The following CLVS1 variants were observed in gnomAD, a reference collection of about 807,000 sequenced individuals.
The protein encoded by CLVS1 is clavesin-1.
In CLVS1, 10 loss-of-function variants were observed where a neutral mutation model predicts 33.1. The observed-to-expected ratio is 0.30, with a 90% CI of 0.19 to 0.51. The LOEUF is 0.51. Ranked by LOEUF, CLVS1 falls within the 20% of genes least tolerant of loss-of-function variation. The pLI, the probability that CLVS1 is intolerant of heterozygous loss-of-function variation, is 0.97. For synonymous variants in CLVS1, 163 were observed against 166.1 expected, an observed-to-expected ratio of 0.98 and a Z score of 0.14; for missense variants, 343 against 433.4, an observed-to-expected ratio of 0.79 and a Z score of 1.85.
At position 61,299,803 on chromosome 8, in the gene CLVS1, A is replaced by T; in HGVS notation, c.-25A>T. ...GTAGTAAAACACTGTTGAATGGGCC[A>T]CAGTTTCAGCAGACCATCAGGTGAA... is the stretch of plus-strand genomic sequence containing the variant. On this transcript the variant is annotated 5_prime_UTR_variant, in exon 2 of 6. Coordinates refer to ENST00000325897, the MANE Select transcript of CLVS1 (RefSeq NM_173519.3). The T allele has an allele frequency of 6.4e-7, 1 of 1,556,530 alleles. No homozygotes were observed. Among genetic ancestry groups the T allele is most frequent in the Non-Finnish European group, 8.8e-7 (1 of 1,140,080 alleles).
chr8:61,481,978 A>G (rs35342632), intron 5 of CLVS1, among the ~76,000 whole-genome samples: 86,177 of 152,042 alleles, frequency 0.57, 27,993 homozygotes, highest in Non-Finnish European at 0.72. Context: ...TCATACAGCT[A>G]GGTGCCCCTC....
the CLVS1 span, among the ~76,000 whole-genome samples, chr8:61,009,095 C>T: frequency 6.6e-6 from 1 of 152,048 alleles, no homozygotes; most frequent in African/African-American, 2.4e-5. Flanking sequence ...ATTAGGGTTA[C>T]ACATACCATT....
At chr8:61,442,147 A>C (rs1050914316) in intron 3 of CLVS1, among the ~76,000 whole-genome samples, 1 of 152,182 alleles carries the variant, frequency 6.6e-6, no homozygotes, top group Admixed American at 6.5e-5. Flanking sequence ...TCATCATTTC[A>C]ATAATGATTT....
At chr8:61,251,878 T>G (rs1416425496) in intron 2 of CLVS1, among the ~76,000 whole-genome samples, 1 of 152,172 alleles carries the variant, frequency 6.6e-6, no homozygotes, top group Non-Finnish European at 1.5e-5. Context: ...CTGAATTCAT[T>G]GATTTTTTGA....
intron 2 of CLVS1, among the ~76,000 whole-genome samples, chr8:61,373,120 A>G (rs548836683): frequency 3.4e-4 from 52 of 152,352 alleles, no homozygotes; most frequent in African/African-American, 1.2e-3. Flanking sequence ...TTAAAAAGCT[A>G]GGAGTCCAGA....
At chr8:61,396,190 C>T (rs1001564507) in intron 3 of CLVS1, among the ~76,000 whole-genome samples, 23 of 152,246 alleles carry the variant, frequency 1.5e-4, no homozygotes, top group Admixed American at 1.1e-3. Flanking sequence ...AACAGTTTTC[C>T]TAACTTTTCT....
At chr8:61,226,471 C>T (rs575971770) in intron 2 of CLVS1, among the ~76,000 whole-genome samples, 4 of 152,198 alleles carry the variant, frequency 2.6e-5, no homozygotes, top group Non-Finnish European at 5.9e-5. Flanking sequence ...CCAACTTCAG[C>T]CTTGGCCCTT....
intron 2 of CLVS1, among the ~76,000 whole-genome samples, chr8:61,191,426 T>A (rs531318700): frequency 6.6e-6 from 1 of 152,330 alleles, no homozygotes; most frequent in Non-Finnish European, 1.5e-5. Context: ...TCATACTGAA[T>A]GGACAAAAAC....
intron 2 of CLVS1, among the ~76,000 whole-genome samples, chr8:61,139,309 C>A (rs923309233): frequency 6.6e-6 from 1 of 152,338 alleles, no homozygotes; most frequent in Non-Finnish European, 1.5e-5. Flanking sequence ...ACCTTTCAAG[C>A]GACTCCCCCG....
chr8:60,992,219 G>A, the CLVS1 span, among the ~76,000 whole-genome samples: 2 of 152,176 alleles, frequency 1.3e-5, no homozygotes, highest in Non-Finnish European at 2.9e-5. Flanking sequence ...AGAATTGTCT[G>A]ACTTTATATT....
At chr8:60,994,682 T>A in the CLVS1 span, among the ~76,000 whole-genome samples, 1 of 152,208 alleles carries the variant, frequency 6.6e-6, no homozygotes, top group Admixed American at 6.5e-5. Flanking sequence ...GGCTTAGGAT[T>A]GACTTGGCAA....
chr8:61,142,708 T>C (rs531081464), intron 2 of CLVS1, among the ~76,000 whole-genome samples: 1 of 152,316 alleles, frequency 6.6e-6, no homozygotes, highest in East Asian at 1.9e-4. Flanking sequence ...CATGCTTGTC[T>C]TGTCAACTTT....
chr8:61,378,691 A>T (rs187213141), intron 3 of CLVS1, among the ~76,000 whole-genome samples: 41 of 152,294 alleles, frequency 2.7e-4, no homozygotes, highest in African/African-American at 9.4e-4. Context: ...GGCCATGCTG[A>T]GGAAGCACTC....
rs538001712 is a variant in CLVS1, at chr8:61,183,153, G to A, written c.-152+51293G>A. ...ACACACCAGGGCCTGTGGGCAGGGC[G>A]GAGGGGGGCAGGCACAAGTGGAGGG... On this transcript the variant is annotated intron_variant, in intron 2 of 2. Coordinates refer to the CLVS1 transcript ENST00000522621. Among the ~76,000 whole-genome samples, 8 of 98,512 alleles carry A rather than the reference G, an allele frequency of 8.1e-5. No individual in the cohort carries two copies. The South Asian group carries it at 1.3e-3, about 15-fold the overall frequency. 64.6% of individuals were successfully genotyped at this position (98,512 alleles called of 152,430 possible). A position where few individuals can be genotyped will look rare whatever the true frequency, so the allele number is the denominator to read the frequency against.
rs1360511269 is a variant in CLVS1 at position 61,273,119 on chromosome 8, G to A, written c.-151-26558G>A. Among the ~76,000 whole-genome samples the A allele has an allele frequency of 3.6e-3, 536 of 150,000 alleles. 4 individuals carry two copies. The highest frequency in any genetic ancestry group is 0.012 in the African/African-American group (494 of 40,402). On this transcript the variant is annotated intron_variant, in intron 2 of 2. Coordinates refer to the CLVS1 transcript ENST00000522621. ...GTTCTGTTTTTTCCCCATCTTTGTG[G>A]TTTTATCTACTTTTGGTCTTTGATG...
Position 61,248,147 on chromosome 8 carries a change from C to A in CLVS1, c.-151-51530C>A, listed in dbSNP as rs187526142. Among the ~76,000 whole-genome samples the A allele has an allele frequency of 3.3e-5, 5 of 152,060 alleles. No homozygotes were observed. The East Asian group carries it at 5.8e-4, about 18-fold the overall frequency. On this transcript the variant is annotated intron_variant, in intron 2 of 2. Coordinates refer to the CLVS1 transcript ENST00000522621. ...CTATTCTGTTAAATTGGTTTATGTG[C>A]CTGTTTTGGTATTAGTACCATGCTG...
rs181525628 is a variant in CLVS1 at position 61,356,846 on chromosome 8, G to A, written c.456-19759G>A. On this transcript the variant is annotated intron_variant, in intron 2 of 5. Coordinates refer to ENST00000325897, the MANE Select transcript of CLVS1 (RefSeq NM_173519.3). ...GTAATATAGTTTGAAGTCAGGTAGC[G>A]TGATGCCTCCAGCTTTGTTCTTTTG... Among the ~76,000 whole-genome samples, 793 of 152,286 alleles carry A rather than the reference G, an allele frequency of 5.2e-3. 18 individuals carry two copies. The East Asian group carries it at 0.078, about 15-fold the overall frequency.
chr8:60,983,386 G>A, the CLVS1 span, among the ~76,000 whole-genome samples: 20 of 152,266 alleles, frequency 1.3e-4, no homozygotes, highest in South Asian at 3.9e-3. Context: ...GAGTATTCGG[G>A]GCACTGCATT....
chr8:61,304,174 G>A (rs2931297), intron 2 of CLVS1, among the ~76,000 whole-genome samples: 42,961 of 152,190 alleles, frequency 0.28, 7,069 homozygotes, highest in Non-Finnish European at 0.35. Context: ...CTCATGTGAA[G>A]GGTTTACTAA....
Sources: gnomAD v4.1 joint callset for allele counts (sites outside exome capture counted in the v4.1 genomes callset) on GRCh38, gnomAD v4.1.1 for gene constraint, MANE v1.5 for transcripts, NCBI Gene and HGNC (gene_info 2026-07-23, HGNC 2026-07-21) for gene names.